ATG7: variants seen among roughly 807,000 people sequenced by gnomAD.
ATG7 encodes autophagy related 7, also known as ubiquitin-like modifier-activating enzyme ATG7.
Under a neutral mutation model 82.4 loss-of-function variants are expected in ATG7, and 70 were observed. The ratio of observed to expected loss-of-function variants is 0.85; its 90% confidence interval spans 0.70 to 1.04. The LOEUF (loss-of-function observed/expected upper bound fraction) is 1.04. Ranked by LOEUF, ATG7 falls within the 50% of genes least tolerant of loss-of-function variation. The probability of loss-of-function intolerance (pLI) is 0.00; values close to 1 mark genes in which losing one functional copy is unlikely to be tolerated. For synonymous variants in ATG7, 287 were observed against 313.0 expected (o/e 0.92, Z 0.88); for missense variants, 792 against 864.3 (o/e 0.92, Z 1.05).
downstream of ATG7, among the ~76,000 whole-genome samples, chr3:11,560,198 C>T (rs1391480952): frequency 1.3e-5 from 2 of 152,214 alleles, no homozygotes; most frequent in Non-Finnish European, 2.9e-5. Flanking sequence ...CAAGATTCAG[C>T]AAGTGCATCG....
At chr3:11,524,835 G>A (rs1326238898) in intron 20 of ATG7, among the ~76,000 whole-genome samples, 1 of 151,970 alleles carries the variant, frequency 6.6e-6, no homozygotes, top group Non-Finnish European at 1.5e-5. Context: ...ATTCTGAGTC[G>A]ATAGCAGATC....
chr3:11,517,314 C>T (rs968141525), intron 20 of ATG7, among the ~76,000 whole-genome samples: 7 of 149,714 alleles, frequency 4.7e-5, no homozygotes, highest in African/African-American at 1.5e-4. Context: ...GCACTCCAGC[C>T]TGGGTGAAGA....
At chr3:11,376,473 G>A (rs2152839968) in intron 18 of ATG7, among the ~76,000 whole-genome samples, 1 of 152,284 alleles carries the variant, frequency 6.6e-6, no homozygotes, top group African/African-American at 2.4e-5. Flanking sequence ...TGAATGAGGT[G>A]TGTTTGAGCT....
chr3:11,570,384 GT>G, the ATG7 span, among the ~76,000 whole-genome samples: 1 of 152,168 alleles, frequency 6.6e-6, no homozygotes, highest in Non-Finnish European at 1.5e-5. Context: ...ACCAAGGTCT[GT>G]CCCCGGACAG....
rs576710412 is a variant in ATG7, at chr3:11,420,151, G to C, written c.1957-6653G>C. ...TTTTAAGAAGGCTAGGATGTTTGGG[G>C]GGAAAAATCCTTGTACTTTTTGTAA... On this transcript the variant is annotated intron_variant, in intron 19 of 20. Transcript: ENST00000693202. Among the ~76,000 whole-genome samples the C allele has an allele frequency of 1.1e-4, 16 of 152,166 alleles. No homozygotes were observed. In the South Asian group the frequency reaches 3.3e-3, roughly 32 times the overall value.
chr3:11,367,468 C>T (rs1360945822), intron 18 of ATG7, among the ~76,000 whole-genome samples: 1 of 152,174 alleles, frequency 6.6e-6, no homozygotes, highest in Non-Finnish European at 1.5e-5. Flanking sequence ...GACTGAGAAT[C>T]ACAAGGCCCC....
chr3:11,526,437 A>C (rs2092581171), intron 20 of ATG7, among the ~76,000 whole-genome samples: 1 of 152,198 alleles, frequency 6.6e-6, no homozygotes, highest in South Asian at 2.1e-4. Context: ...CATAATCTTC[A>C]TCAAGAACTC....
At position 11,497,135 on chromosome 3, in the gene ATG7, G is replaced by GC. The variant is rs201290660; in HGVS notation, c.2080-57671dup. 5.1e-4 allele frequency among the ~76,000 whole-genome samples: 78 copies of GC among 151,828 alleles called. No homozygotes were observed. The East Asian group carries it at 0.013, about 25-fold the overall frequency. On this transcript the variant is annotated intron_variant, in intron 20 of 20. Coordinates refer to ENST00000693202, the MANE Select transcript of ATG7 (RefSeq NM_001349232.2). ...CAAAGTGCTGGGATTACAGGAGTGAGCCCCCACGCCCAGCCCCTAATGTCA... is the reference window on the plus strand; with the variant it reads ...CAAAGTGCTGGGATTACAGGAGTGAGCCCCCCACGCCCAGCCCCTAATGTCA...
chr3:11,573,348 A>G, the ATG7 span, among the ~76,000 whole-genome samples: 109 of 97,348 alleles, frequency 1.1e-3, 2 homozygotes, highest in East Asian at 0.019. Flanking sequence ...AGAAAGAAAG[A>G]AAGAAAGAAA....
At position 11,335,253 on chromosome 3, in the gene ATG7, C is replaced by CT. The variant is rs770693386; in HGVS notation, c.889+2163dup. ...TGTAATGTTAACTTACATGCTATAC[C>CT]TTTGTTTTATTAAACCACACTTAAA... On this transcript the variant is annotated intron_variant, in intron 11 of 20. Transcript: ENST00000693202. Among the ~76,000 whole-genome samples, 118 of 152,118 alleles carry CT rather than the reference C, an allele frequency of 7.8e-4. 1 individual carries two copies. Among genetic ancestry groups the CT allele is most frequent in the Middle Eastern group, 6.8e-3 (2 of 294 alleles).
intron 20 of ATG7, among the ~76,000 whole-genome samples, chr3:11,475,356 T>C (rs1485677181): frequency 1.3e-5 from 2 of 152,002 alleles, no homozygotes; most frequent in Non-Finnish European, 2.9e-5. Context: ...GAATCTGAGG[T>C]GGACAGAGCC....
At chr3:11,506,551 C>A (rs2153069249) in intron 20 of ATG7, among the ~76,000 whole-genome samples, 4 of 42,890 alleles carry the variant, frequency 9.3e-5, no homozygotes, top group African/African-American at 1.0e-4. Context: ...AACCCCATCT[C>A]TACAAAAAAA....
intron 20 of ATG7, among the ~76,000 whole-genome samples, chr3:11,508,137 C>G (rs2091847097): frequency 6.6e-6 from 1 of 151,718 alleles, no homozygotes; most frequent in Non-Finnish European, 1.5e-5. Context: ...CTTTGTATAC[C>G]TTCAGGTCTA....
chr3:11,503,888 A>C (rs2091526416), intron 20 of ATG7, among the ~76,000 whole-genome samples: 1 of 152,174 alleles, frequency 6.6e-6, no homozygotes. Flanking sequence ...AAAAAGACAA[A>C]GAAATGGAAA....
chr3:11,500,992 C>A (rs905496856), intron 20 of ATG7, among the ~76,000 whole-genome samples: 12 of 152,204 alleles, frequency 7.9e-5, no homozygotes, highest in Admixed American at 7.9e-4. Context: ...TGGTAGCTCA[C>A]CCTGGTAATT....
At chr3:11,415,364 TAAA>T (rs1336811973) in intron 19 of ATG7, among the ~76,000 whole-genome samples, 1 of 152,290 alleles carries the variant, frequency 6.6e-6, no homozygotes, top group African/African-American at 2.4e-5. Flanking sequence ...ACACTAAACT[TAAA>T]AAATATTTTT....
intron 1 of ATG7, among the ~76,000 whole-genome samples, chr3:11,274,993 C>T (rs1941396659): frequency 6.6e-6 from 1 of 151,744 alleles, no homozygotes; most frequent in South Asian, 2.1e-4. Flanking sequence ...AAAAGACAAG[C>T]AGGGGACCAG....
At chr3:11,302,809 A>C (rs1158757093) in intron 5 of ATG7, among the ~76,000 whole-genome samples, 1 of 152,110 alleles carries the variant, frequency 6.6e-6, no homozygotes, top group Non-Finnish European at 1.5e-5. Flanking sequence ...AGTCTCTTCT[A>C]CTCTGTGCCC....
At chr3:11,396,938 C>T (rs2079345814) in intron 19 of ATG7, among the ~76,000 whole-genome samples, 1 of 151,914 alleles carries the variant, frequency 6.6e-6, no homozygotes, top group African/African-American at 2.4e-5. Context: ...TATGTTATAA[C>T]TGATAGACTA....
Sources: allele counts gnomAD v4.1 joint callset (sites outside exome capture counted in the v4.1 genomes callset), GRCh38; gene constraint gnomAD v4.1.1; transcripts MANE v1.5; gene names NCBI Gene and HGNC (gene_info 2026-07-23, HGNC 2026-07-21).